The following RSPO3 variants were observed in gnomAD, a reference collection of about 807,000 sequenced individuals.
RSPO3 encodes R-spondin-3.
Under a neutral mutation model 36.5 loss-of-function variants are expected in RSPO3, and 17 were observed. The ratio of observed to expected loss-of-function variants is 0.47; its 90% CI spans 0.32 to 0.70. The LOEUF is 0.70. RSPO3 is among the 30% of genes least tolerant of loss of function. RSPO3 has a pLI of 0.04. For synonymous variants in RSPO3, 108 were observed against 107.0 expected (o/e 1.01, Z -0.06); for missense variants, 294 against 322.5 (o/e 0.91, Z 0.68).
intron 1 of RSPO3, among the ~76,000 whole-genome samples, chr6:127,141,898 T>C (rs1006654672): frequency 1.9e-4 from 29 of 152,176 alleles, no homozygotes; most frequent in Non-Finnish European, 3.5e-4. Context: ...TGTGTATCCA[T>C]ATACACATGC....
At chr6:127,159,168 G>A (rs971743255) in intron 4 of RSPO3, among the ~76,000 whole-genome samples, 3 of 152,130 alleles carry the variant, frequency 2.0e-5, no homozygotes, top group Admixed American at 2.0e-4. Flanking sequence ...GTATATTTGT[G>A]TATGTGGTGG....
chr6:127,198,436 A>C lies in RSPO3; in HGVS notation c.*2429A>C, dbSNP rs1484035788. ...GCAGCCTTCTCAAATTTGAGCAAAA[A>C]CTCTATCAACCTCTGGTAAAGTTCC... is the stretch of plus-strand genomic sequence containing the variant. On this transcript the variant is annotated 3_prime_UTR_variant, in exon 5 of 5. Coordinates refer to ENST00000356698, the MANE Select transcript of RSPO3 (RefSeq NM_032784.5). Among the ~76,000 whole-genome samples the C allele has an allele frequency of 2.6e-5, 4 of 152,046 alleles. No homozygotes were observed. The East Asian group carries it at 7.7e-4, about 29-fold the overall frequency.
chr6:127,188,274 G>T (rs1775336014), intron 4 of RSPO3, among the ~76,000 whole-genome samples: 1 of 152,230 alleles, frequency 6.6e-6, no homozygotes, highest in East Asian at 1.9e-4. Context: ...TGTAAGGAAG[G>T]TATTTAATTA....
intron 4 of RSPO3, among the ~76,000 whole-genome samples, chr6:127,191,199 G>A (rs192091883): frequency 1.2e-4 from 18 of 152,234 alleles, no homozygotes; most frequent in Admixed American, 8.5e-4. Context: ...AGTCAAAAAC[G>A]TATTTGATAT....
intron 4 of RSPO3, among the ~76,000 whole-genome samples, chr6:127,181,686 T>C (rs1159234537): frequency 6.6e-6 from 1 of 151,884 alleles, no homozygotes; most frequent in African/African-American, 2.4e-5. Flanking sequence ...CCCCAAATTC[T>C]GACATAAGAG....
chr6:127,122,002 A>T (rs2114531892), intron 1 of RSPO3, among the ~76,000 whole-genome samples: 1 of 152,352 alleles, frequency 6.6e-6, no homozygotes, highest in East Asian at 1.9e-4. Context: ...TCTACAAAAA[A>T]TTTAATGGTC....
At chr6:127,123,177 A>T (rs1174196067) in intron 1 of RSPO3, among the ~76,000 whole-genome samples, 1 of 152,198 alleles carries the variant, frequency 6.6e-6, no homozygotes, top group East Asian at 1.9e-4. Context: ...CTTTGAAATT[A>T]TGACACACCC....
At chr6:127,180,487 CAAAAAAAAAAAAAA>C (rs71543112) in intron 4 of RSPO3, among the ~76,000 whole-genome samples, 11 of 42,618 alleles carry the variant, frequency 2.6e-4, no homozygotes, top group African/African-American at 3.4e-4. Context: ...TGGAAGAAAA[CAAAAAAAAAAAAAA>C]AAAAAAAAAA....
chr6:127,143,114 T>TA (rs1562243352), intron 1 of RSPO3, among the ~76,000 whole-genome samples: 2 of 152,084 alleles, frequency 1.3e-5, no homozygotes, highest in Non-Finnish European at 1.5e-5. Flanking sequence ...TATCATTTTT[T>TA]AAAAAAATAG....
chr6:127,157,800 TACAG>T (rs1381621670), intron 4 of RSPO3, among the ~76,000 whole-genome samples: 2 of 151,880 alleles, frequency 1.3e-5, no homozygotes, highest in Non-Finnish European at 2.9e-5. Flanking sequence ...GCCTATAAAC[TACAG>T]GTAGGAAGAA....
chr6:127,180,461 C>G (rs1482241427), intron 4 of RSPO3, among the ~76,000 whole-genome samples: 5 of 74,742 alleles, frequency 6.7e-5, no homozygotes, highest in African/African-American at 2.1e-4. Context: ...AACCTGACAG[C>G]AAAGTGGAAA....
At chr6:127,177,764 A>C (rs912875026) in intron 4 of RSPO3, among the ~76,000 whole-genome samples, 19 of 151,734 alleles carry the variant, frequency 1.3e-4, no homozygotes, top group African/African-American at 4.3e-4. Context: ...GACTTGCAAG[A>C]AGCCAATTTT....
chr6:127,182,201 T>C (rs770860542), intron 4 of RSPO3, among the ~76,000 whole-genome samples: 2 of 151,820 alleles, frequency 1.3e-5, no homozygotes, highest in Non-Finnish European at 2.9e-5. Flanking sequence ...ACCAAGTCAT[T>C]CATGAGGGAC....
At position 127,197,574 on chromosome 6, in the gene RSPO3, G is replaced by T; in HGVS notation, c.*1567G>T. On this transcript the variant is annotated 3_prime_UTR_variant, in exon 5 of 5. Transcript: ENST00000356698. Reference sequence around the variant, plus strand: ...TGTTGTCATGGAAGGATGCACGGCTGCTCTGTCCACTGTGATTCCTAGCCC... The same window carrying T: ...TGTTGTCATGGAAGGATGCACGGCTTCTCTGTCCACTGTGATTCCTAGCCC... The T allele has an allele frequency of 6.5e-7, 1 of 1,541,152 alleles. No individual in the cohort carries two copies.
chr6:127,193,424 C>T (rs1016959736), intron 4 of RSPO3, among the ~76,000 whole-genome samples: 3 of 152,114 alleles, frequency 2.0e-5, no homozygotes, highest in African/African-American at 4.8e-5. Context: ...GATGTTGGAC[C>T]GTCATCAAGA....
chr6:127,135,416 TAAAAAAAAA>T (rs35739572), intron 1 of RSPO3, among the ~76,000 whole-genome samples: 4 of 95,244 alleles, frequency 4.2e-5, no homozygotes, highest in Admixed American at 2.4e-4. Flanking sequence ...TGAGAATCCA[TAAAAAAAAA>T]AAAAAAAAAA....
chr6:127,149,098 A>G (rs1562244898), intron 2 of RSPO3, among the ~76,000 whole-genome samples: 1 of 152,116 alleles, frequency 6.6e-6, no homozygotes, highest in African/African-American at 2.4e-5. Flanking sequence ...CATTGAACCT[A>G]TAGAAAAGTA....
At chr6:127,184,466 A>G (rs781389538) in intron 4 of RSPO3, among the ~76,000 whole-genome samples, 77 of 152,182 alleles carry the variant, frequency 5.1e-4, no homozygotes, top group Non-Finnish European at 9.7e-4. Flanking sequence ...CACACTAGTT[A>G]GTAGCAAAGG....
intron 4 of RSPO3, among the ~76,000 whole-genome samples, chr6:127,170,460 C>CAT (rs927652209): frequency 5.7e-4 from 73 of 128,122 alleles, no homozygotes; most frequent in Non-Finnish European, 7.5e-4. Flanking sequence ...CACAAATATA[C>CAT]ATATATATAT....
Sources: gnomAD v4.1 joint callset for allele counts (sites outside exome capture counted in the v4.1 genomes callset) on GRCh38, gnomAD v4.1.1 for gene constraint, MANE v1.5 for transcripts, NCBI Gene and HGNC (gene_info 2026-07-23, HGNC 2026-07-21) for gene names.